The following USP20 variants were observed in gnomAD, a reference collection of about 807,000 sequenced individuals.
USP20 encodes ubiquitin specific peptidase 20.
A neutral mutation model predicts 124.2 loss-of-function variants in USP20; 80 were observed. The observed-to-expected ratio is 0.64, with a 90% CI of 0.54 to 0.78. The LOEUF is 0.78. Among genes scored for constraint, USP20 ranks in the 30% least tolerant of loss-of-function variants. The pLI is 0.00. For synonymous variants in USP20, 481 were observed against 512.3 expected (o/e 0.94, Z 0.83); for missense variants, 1,043 against 1,244.4 (o/e 0.84, Z 2.44).
rs1359368771 is a variant in USP20 at position 129,873,602 on chromosome 9, A to G, written c.1694+87A>G. ...TGGGTTCCTGCAGAGAGCCCCCTATAATCCTGCCTTCCCAGAAGGGAGCCG... is the reference window on the plus strand; with the variant it reads ...TGGGTTCCTGCAGAGAGCCCCCTATGATCCTGCCTTCCCAGAAGGGAGCCG... On this transcript the variant is annotated intron_variant, in intron 16 of 25. Transcript: ENST00000372429. The G allele has an allele frequency of 2.5e-6, 4 of 1,612,938 alleles. No homozygotes were observed. In the African/African-American group the frequency reaches 5.3e-5, roughly 22 times the overall value.
intron 2 of USP20, among the ~76,000 whole-genome samples, chr9:129,851,443 CT>C (rs1357129135): frequency 6.6e-6 from 1 of 152,020 alleles, no homozygotes; most frequent in Admixed American, 6.6e-5. Context: ...CTTAGTATGT[CT>C]GTAGTACAAT....
rs375958982 is a variant in USP20 at position 129,865,312 on chromosome 9, C to T, written c.621C>T (p.Tyr207=). The T allele has an allele frequency of 6.2e-6, 10 of 1,614,000 alleles. No homozygotes were observed. In the African/African-American group the frequency reaches 6.7e-5, roughly 11 times the overall value. Residue 207 remains tyrosine, a synonymous_variant, in exon 10 of 26, where the codon TAC becomes TAT. Coordinates refer to ENST00000372429, the MANE Select transcript of USP20 (RefSeq NM_001110303.4). Reference sequence around the variant, plus strand: ...TTTGGGCTTCCTACAGGCCAAGCTACGTGGTCCCCACCAGTCTGTCTCATG... The same window carrying T: ...TTTGGGCTTCCTACAGGCCAAGCTATGTGGTCCCCACCAGTCTGTCTCATG... The part of the protein sequence containing the change: ...SEVWHKKRPS[Y]VVPTSLSHGI...
In USP20 at chr9:129,868,849, T is replaced by C; in HGVS notation, c.1136-13T>C. On this transcript the variant is annotated splice_polypyrimidine_tract_variant and intron_variant, in intron 11 of 25. Transcript: ENST00000372429. ...GCTGCCCTGGCCCAGCATGGTACCC[T>C]CTCTGCCCCCAGAGCCGGACAATGA... 1 of 1,543,554 alleles carries C rather than the reference T, an allele frequency of 6.5e-7. No individual in the cohort carries two copies. The highest frequency in any genetic ancestry group is 1.2e-5 in the South Asian group (1 of 81,904).
intron 1 of USP20, among the ~76,000 whole-genome samples, chr9:129,847,897 A>ATTT (rs35466615): frequency 7.5e-6 from 1 of 133,818 alleles, no homozygotes; most frequent in Non-Finnish European, 1.6e-5. Flanking sequence ...TTTGTATCTG[A>ATTT]TTTTTTTTTT....
chr9:129,841,323 A>T (rs1162354647), intron 1 of USP20, among the ~76,000 whole-genome samples: 1 of 152,170 alleles, frequency 6.6e-6, no homozygotes, highest in Admixed American at 6.5e-5. Flanking sequence ...TCTCATAAAG[A>T]TACCAGTAAG....
intron 3 of USP20, among the ~76,000 whole-genome samples, chr9:129,855,736 A>G (rs776316574): frequency 2.6e-5 from 4 of 152,208 alleles, no homozygotes; most frequent in African/African-American, 4.8e-5. Flanking sequence ...GCTAAAATCC[A>G]TGCATCCCAT....
chr9:129,849,549 C>G (rs2032781910), intron 1 of USP20, among the ~76,000 whole-genome samples: 1 of 152,040 alleles, frequency 6.6e-6, no homozygotes, highest in Middle Eastern at 3.2e-3. Context: ...TACTTGAGCC[C>G]AGGAGTTCAA....
At position 129,880,229 on chromosome 9, in the gene USP20, C is replaced by G; in HGVS notation, c.2701C>G (p.Leu901Val). 4 of 1,612,960 alleles carry G rather than the reference C, an allele frequency of 2.5e-6. No individual in the cohort carries two copies. Among genetic ancestry groups the G allele is most frequent in the Non-Finnish European group, 3.4e-6 (4 of 1,179,754 alleles). The change falls in exon 25 of 26, where the codon CTG becomes GTG. Residue 901 changes from leucine to valine, a missense_variant. Coordinates refer to ENST00000372429, the MANE Select transcript of USP20 (RefSeq NM_001110303.4). Reference sequence around the variant, plus strand: ...GGCGCAGCCGCTGGGCCCAGAGAACCTGCACGGGGAGCAGAAGATCGAAGC... The same window carrying G: ...GGCGCAGCCGCTGGGCCCAGAGAACGTGCACGGGGAGCAGAAGATCGAAGC... Reference protein sequence around the residue: ...SVAQPLGPENLHGEQKIEAET... With the variant: ...SVAQPLGPENVHGEQKIEAET...
chr9:129,866,007 AT>A (rs1198193091), intron 10 of USP20, among the ~76,000 whole-genome samples: 1 of 152,192 alleles, frequency 6.6e-6, no homozygotes, highest in Non-Finnish European at 1.5e-5. Flanking sequence ...ACATTTTTCT[AT>A]TTTATAAAAT....
At position 129,880,194 on chromosome 9, in the gene USP20, G is replaced by A. The variant is rs368318142; in HGVS notation, c.2666G>A (p.Arg889His). 26 of 1,613,636 alleles carry A rather than the reference G, an allele frequency of 1.6e-5. No individual in the cohort carries two copies. The highest frequency in any genetic ancestry group is 1.4e-4 in the South Asian group (13 of 91,082). The change falls in exon 25 of 26, where the codon CGC (arginine) becomes CAC (histidine). Residue 889 changes from arginine to histidine, a missense_variant. Coordinates refer to ENST00000372429, the MANE Select transcript of USP20 (RefSeq NM_001110303.4). ...GGAGGTGGCCCCGAGATTGCCATCC[G>A]CCAGAGTGTGGCGCAGCCGCTGGGC... ...LYGGGPEIAI[R>H]QSVAQPLGPE...
intron 10 of USP20, among the ~76,000 whole-genome samples, chr9:129,866,565 C>T (rs574099235): frequency 5.3e-5 from 8 of 152,172 alleles, no homozygotes; most frequent in Non-Finnish European, 1.0e-4. Flanking sequence ...GTGTGCAAGG[C>T]GCCCTGCCGG....
chr9:129,868,450 G>A lies in USP20; in HGVS notation c.1135+1G>A. On this transcript the variant is annotated splice_donor_variant, in intron 11 of 25. Transcript: ENST00000372429. LOFTEE classifies it high-confidence loss of function. ...TCCTCCAGCCCCTGCCGGACGCCAG[G>A]TATCAGCTGGCCGGGGACTGCGGGA... 6.2e-7 allele frequency: 1 copy of A among 1,608,858 alleles called. No homozygotes were observed. The highest frequency in any genetic ancestry group is 8.5e-7 in the Non-Finnish European group (1 of 1,177,170).
At chr9:129,841,809 C>T (rs1361404644) in intron 1 of USP20, among the ~76,000 whole-genome samples, 2 of 152,114 alleles carry the variant, frequency 1.3e-5, no homozygotes, top group Non-Finnish European at 2.9e-5. Flanking sequence ...TCTCAGGAAG[C>T]GCACCAAGAA....
Position 129,880,162 on chromosome 9 carries a change from C to T in USP20, c.2634C>T (p.Ser878=), listed in dbSNP as rs757689588. 4.3e-6 allele frequency: 7 copies of T among 1,613,880 alleles called. No homozygotes were observed. Among genetic ancestry groups the T allele is most frequent in the South Asian group, 2.2e-5 (2 of 91,092 alleles). ...AGGAGACCTGGACCTACCTGAACAG[C>T]CTGTATGGAGGTGGCCCCGAGATTG... The part of the protein sequence containing the change: ...ISEETWTYLN[S]LYGGGPEIAI... Residue 878 remains serine, a synonymous_variant, in exon 25 of 26, where the codon AGC becomes AGT. Transcript: ENST00000372429.
intron 17 of USP20, 151 bp from the exon 18 acceptor site, chr9:129,874,425 G>A (rs947784346): frequency 1.7e-5 from 17 of 989,634 alleles, no homozygotes; most frequent in East Asian, 7.9e-5. Context: ...GACTTAGAGC[G>A]AGCCCAGTCT....
rs2034305665 is a variant in USP20 at position 129,874,750 on chromosome 9, G to T, written c.1915G>T (p.Ala639Ser). 3.7e-6 allele frequency: 6 copies of T among 1,613,786 alleles called. No homozygotes were observed. Among genetic ancestry groups the T allele is most frequent in the Non-Finnish European group, 5.1e-6 (6 of 1,180,004 alleles). The change falls in exon 18 of 26, where the codon GCA (alanine) becomes TCA (serine). Residue 639 changes from alanine to serine, a missense_variant. Physicochemically the swap from Ala to Ser is moderately conservative, Grantham distance 99. Transcript: ENST00000372429. ...CTCGGTCATCTGCCACCACGGCACG[G>T]CAGGCAGTGAGTCATGTCCCCTCCC... ...LLSVICHHGT[A>S]GSGHYIAYCQ...
chr9:129,873,717 G>A lies in USP20; in HGVS notation c.1713G>A (p.Lys571=). Residue 571 remains lysine (K), a synonymous_variant, in exon 17 of 26, where the codon AAG becomes AAA. Transcript: ENST00000372429. The part of the protein sequence containing the change: ...ERCKKLRNGV[K]YCKVLRLPEI... ...TCCCCAGGCTGCGGAACGGAGTGAA[G>A]TACTGCAAAGTCCTGCGGTTGCCCG... is the stretch of plus-strand genomic sequence containing the variant. 4.3e-6 allele frequency: 7 copies of A among 1,613,138 alleles called. No individual in the cohort carries two copies. Among genetic ancestry groups the A allele is most frequent in the Non-Finnish European group, 4.2e-6 (5 of 1,180,004 alleles).
intron 2 of USP20, among the ~76,000 whole-genome samples, chr9:129,850,908 C>A (rs2032881929): frequency 6.6e-6 from 1 of 152,130 alleles, no homozygotes; most frequent in Admixed American, 6.5e-5. Context: ...CCCGCCTCGG[C>A]CTCCCAAAGT....
chr9:129,857,859 A>G (rs2033295259), intron 4 of USP20, among the ~76,000 whole-genome samples, 191 bp from the exon 5 acceptor site: 1 of 152,242 alleles, frequency 6.6e-6, no homozygotes, highest in Middle Eastern at 3.2e-3. Flanking sequence ...TTTACTGTCC[A>G]TCACTGCCCA....
Sources: allele counts gnomAD v4.1 joint callset (sites outside exome capture counted in the v4.1 genomes callset), GRCh38; gene constraint gnomAD v4.1.1; transcripts MANE v1.5; gene names NCBI Gene and HGNC (gene_info 2026-07-23, HGNC 2026-07-21).